Variants in ZNF652 observed in about 807,000 individuals in gnomAD.
ZNF652 encodes the protein zinc finger protein 652.
In ZNF652, 16 loss-of-function variants were observed where a neutral mutation model predicts 45.2. That is an observed-to-expected ratio of 0.35 (90% CI 0.24 to 0.54). ZNF652 has a LOEUF of 0.54. Ranked by LOEUF, ZNF652 falls within the 20% of genes least tolerant of loss-of-function variation. The pLI is 0.91. For missense variants in ZNF652, 614 were observed against 765.6 expected, an observed-to-expected ratio of 0.80 and a Z score of 2.34; for synonymous variants, 250 against 260.6, an observed-to-expected ratio of 0.96 and a Z score of 0.39.
chr17:49,321,302 C>T (rs2069888287), intron 1 of ZNF652, among the ~76,000 whole-genome samples: 1 of 151,902 alleles, frequency 6.6e-6, no homozygotes, highest in Admixed American at 6.6e-5. Flanking sequence ...CTCACTCTGT[C>T]ACCCAGGCTG....
chr17:49,318,988 C>T lies in ZNF652; in HGVS notation c.-258-1005G>A, dbSNP rs191099956. Among the ~76,000 whole-genome samples, 356 of 152,212 alleles carry T rather than the reference C, an allele frequency of 2.3e-3. 1 individual carries two copies. Among genetic ancestry groups the T allele is most frequent in the African/African-American group, 8.0e-3 (332 of 41,550 alleles). On this transcript the variant is annotated intron_variant, in intron 1 of 5. Transcript: ENST00000430262. ...AGCTCACTACATTCACTCAGTAAGT[C>T]GGTGATTTTTTATATGTCAGTTGCA...
intron 1 of ZNF652, among the ~76,000 whole-genome samples, chr17:49,359,699 T>G (rs529565169): frequency 2.6e-5 from 4 of 152,338 alleles, no homozygotes; most frequent in Non-Finnish European, 5.9e-5. Flanking sequence ...TATCACCTGC[T>G]TATTGATAGA....
chr17:49,347,740 G>GTTT (rs1181401090), intron 1 of ZNF652, among the ~76,000 whole-genome samples: 24 of 81,206 alleles, frequency 3.0e-4, no homozygotes, highest in Non-Finnish European at 4.3e-4. Context: ...CCTTGGTTTT[G>GTTT]TTTTTTTTTT....
At chr17:49,322,953 C>T (rs753923917) in intron 1 of ZNF652, among the ~76,000 whole-genome samples, 1 of 152,108 alleles carries the variant, frequency 6.6e-6, no homozygotes, top group African/African-American at 2.4e-5. Flanking sequence ...AATCATTTTG[C>T]CGATGGGGGG....
At chr17:49,352,677 C>A (rs2070294647) in intron 1 of ZNF652, among the ~76,000 whole-genome samples, 1 of 152,188 alleles carries the variant, frequency 6.6e-6, no homozygotes, top group Admixed American at 6.5e-5. Flanking sequence ...CCAAAACCTG[C>A]CATGAACATT....
chr17:49,301,684 C>T (rs956954519), intron 5 of ZNF652, among the ~76,000 whole-genome samples: 1 of 152,120 alleles, frequency 6.6e-6, no homozygotes, highest in African/African-American at 2.4e-5. Flanking sequence ...AATTCTGAGC[C>T]CAGATTGTTT....
rs2069492118 is a variant in ZNF652 at position 49,297,511 on chromosome 17, G to T, written c.*902C>A. Reference sequence around the variant, plus strand: ...ACATGGAGGACAGGAGCACATTAGGGAGCCTCTCTTGAGTGTTAAGCAGAG... The same window carrying T: ...ACATGGAGGACAGGAGCACATTAGGTAGCCTCTCTTGAGTGTTAAGCAGAG... On this transcript the variant is annotated 3_prime_UTR_variant, in exon 6 of 6. Transcript: ENST00000430262. 1 of 152,458 alleles carries T rather than the reference G, an allele frequency of 6.6e-6. No homozygotes were observed. The highest frequency in any genetic ancestry group is 1.5e-5 in the Non-Finnish European group (1 of 68,022). The allele number at this position is 152,458 out of a possible 1,614,324, so 9.4% of individuals were successfully genotyped here. A position where few individuals can be genotyped will look rare whatever the true frequency, so the allele number is the denominator to read the frequency against.
At chr17:49,319,353 G>A (rs113094806) in intron 1 of ZNF652, among the ~76,000 whole-genome samples, 1 of 151,518 alleles carries the variant, frequency 6.6e-6, no homozygotes, top group Non-Finnish European at 1.5e-5. Flanking sequence ...GACAGTGTCG[G>A]GCCAGGCGCA....
At chr17:49,326,185 G>A (rs2069953958) in intron 1 of ZNF652, among the ~76,000 whole-genome samples, 1 of 149,584 alleles carries the variant, frequency 6.7e-6, no homozygotes, top group Admixed American at 6.7e-5. Context: ...GGCCAAGGTG[G>A]GAGAATTGCT....
At chr17:49,309,591 C>CA (rs980643011) in intron 5 of ZNF652, among the ~76,000 whole-genome samples, 5 of 151,438 alleles carry the variant, frequency 3.3e-5, no homozygotes, top group Non-Finnish European at 5.9e-5. Context: ...GTATCACACA[C>CA]AAAAAAACCT....
At chr17:49,360,401 C>T (rs1243796040) in intron 1 of ZNF652, among the ~76,000 whole-genome samples, 2 of 152,202 alleles carry the variant, frequency 1.3e-5, no homozygotes, top group East Asian at 3.8e-4. Context: ...ATGGAGAAGA[C>T]GGTTCTAAAG....
chr17:49,326,940 G>C (rs2069961983), intron 1 of ZNF652, among the ~76,000 whole-genome samples: 1 of 152,078 alleles, frequency 6.6e-6, no homozygotes, highest in African/African-American at 2.4e-5. Context: ...TGAGGTCCTA[G>C]ACTTTGAGCC....
chr17:49,297,698 TTA>T lies in ZNF652; in HGVS notation c.*713_*714del, dbSNP rs2069494721. The T allele has an allele frequency of 6.6e-6, 1 of 152,656 alleles. No homozygotes were observed. Among genetic ancestry groups the T allele is most frequent in the South Asian group, 2.1e-4 (1 of 4,826 alleles). 9.5% of individuals were successfully genotyped at this position (152,656 alleles called of 1,614,324 possible). A position where few individuals can be genotyped will look rare whatever the true frequency, so the allele number is the denominator to read the frequency against. On this transcript the variant is annotated 3_prime_UTR_variant, in exon 6 of 6. Transcript: ENST00000430262. ...TGAATTATAGAAGTTATATGCATCT[TTA>T]AGAATCACATTTTGATGATTATAAA...
At chr17:49,307,151 C>T (rs1349391044) in intron 5 of ZNF652, among the ~76,000 whole-genome samples, 4 of 151,586 alleles carry the variant, frequency 2.6e-5, no homozygotes, top group Admixed American at 6.6e-5. Context: ...CTTCACTGGC[C>T]GGGCTCAGGG....
chr17:49,309,433 C>T (rs372604740), intron 5 of ZNF652, among the ~76,000 whole-genome samples: 5 of 150,070 alleles, frequency 3.3e-5, no homozygotes, highest in Admixed American at 6.7e-5. Flanking sequence ...ACTTGAACCC[C>T]GGGAGGTGGA....
chr17:49,316,379 G>C (rs555594673), intron 2 of ZNF652, among the ~76,000 whole-genome samples: 2 of 152,074 alleles, frequency 1.3e-5, no homozygotes, highest in Non-Finnish European at 2.9e-5. Context: ...CATTTCCACC[G>C]GTCTGAGTCA....
intron 1 of ZNF652, among the ~76,000 whole-genome samples, 195 bp downstream of exon 1, chr17:49,361,714 G>A (rs2070397505): frequency 6.6e-6 from 1 of 152,018 alleles, no homozygotes; most frequent in South Asian, 2.1e-4. Flanking sequence ...CCCAAGCTGG[G>A]TGCCTGAGGA....
At chr17:49,350,290 G>C (rs1379017521) in intron 1 of ZNF652, among the ~76,000 whole-genome samples, 2 of 152,028 alleles carry the variant, frequency 1.3e-5, no homozygotes, top group Admixed American at 1.3e-4. Flanking sequence ...TGTAATCCCA[G>C]CACTTTGGGA....
chr17:49,323,522 A>G (rs1172555729), intron 1 of ZNF652, among the ~76,000 whole-genome samples: 3 of 152,228 alleles, frequency 2.0e-5, no homozygotes, highest in Non-Finnish European at 2.9e-5. Context: ...AATGGCATCT[A>G]GAGTGGTGAA....
Sources: allele counts gnomAD v4.1 joint callset (sites outside exome capture counted in the v4.1 genomes callset), GRCh38; gene constraint gnomAD v4.1.1; transcripts MANE v1.5; gene names NCBI Gene and HGNC (gene_info 2026-07-23, HGNC 2026-07-21).